Variants in DCP1A observed in about 807,000 individuals in gnomAD.
The protein encoded by DCP1A is decapping mRNA 1A.
DCP1A carries 20 observed loss-of-function variants against 58.0 expected under a neutral mutation model. The observed-to-expected ratio is 0.34, with a 90% CI of 0.24 to 0.50. The LOEUF is 0.50. DCP1A is among the 20% of genes least tolerant of loss of function. The pLI is 0.98. For synonymous variants in DCP1A, 285 were observed against 275.1 expected (o/e 1.04, Z -0.36); for missense variants, 613 against 712.2 (o/e 0.86, Z 1.59).
rs1575590123 is a variant in DCP1A, at chr3:53,288,246, G to A, written c.1487C>T (p.Ala496Val). The A allele has an allele frequency of 6.2e-7, 1 of 1,613,544 alleles. No homozygotes were observed. The highest frequency in any genetic ancestry group is 8.5e-7 in the Non-Finnish European group (1 of 1,179,704). Residue 496 changes from alanine to valine, a missense_variant, in exon 9 of 10, where the codon GCA (alanine) becomes GTA (valine). By Grantham distance (64) the Ala-to-Val change is moderately conservative. This residue lies in a region of DCP1A where 498 missense variants were observed against 556.7 expected (regional missense o/e 0.89). Transcript: ENST00000610213. Reference sequence around the variant, plus strand: ...TGGGGCCAGCAGGACTGAAGACACTGCAGTGGTCGTTGCAGTAACCAGTGG... The same window carrying A: ...TGGGGCCAGCAGGACTGAAGACACTACAGTGGTCGTTGCAGTAACCAGTGG... ...GAPLVTATTTAVSSVLLAPSV... is the reference protein window; with the variant it reads ...GAPLVTATTTVVSSVLLAPSV...
chr3:53,312,472 G>T, intron 4 of DCP1A, 93 bp from the exon 5 acceptor site: 13 of 988,260 alleles, frequency 1.3e-5, no homozygotes, highest in Non-Finnish European at 1.7e-5. Context: ...GATACACTAA[G>T]AGTGTCACAT....
intron 3 of DCP1A, among the ~76,000 whole-genome samples, chr3:53,341,124 T>C (rs2089195894): frequency 6.8e-6 from 1 of 146,242 alleles, no homozygotes; most frequent in Admixed American, 6.9e-5. Context: ...ATAAATATCT[T>C]AAAAAAAAAA....
In DCP1A at chr3:53,290,797, G is replaced by A; in HGVS notation, c.1443C>T (p.Ala481=). ...AAAAAAAGCGAGTCCTTACCGGGAT[G>A]GCACTGGATAACACCTTAGGCTGCA... The part of the protein sequence containing the change: ...VFVQPKVLSS[A]IPVAGAPLVT... Residue 481 remains alanine (A), a synonymous_variant, in exon 8 of 10, where the codon GCC becomes GCT. Transcript: ENST00000610213. 6.5e-7 allele frequency: 1 copy of A among 1,540,472 alleles called. No homozygotes were observed. Among genetic ancestry groups the A allele is most frequent in the Non-Finnish European group, 8.9e-7 (1 of 1,122,510 alleles).
intron 4 of DCP1A, among the ~76,000 whole-genome samples, chr3:53,317,686 A>C (rs1320384346): frequency 6.6e-6 from 1 of 152,180 alleles, no homozygotes; most frequent in East Asian, 1.9e-4. Context: ...TCCTATCTCA[A>C]AAGAAAAAAA....
chr3:53,292,896 C>T (rs1575594088), intron 6 of DCP1A, 69 bp from the exon 7 acceptor site: 1 of 1,487,202 alleles, frequency 6.7e-7, no homozygotes, highest in East Asian at 2.3e-5. Flanking sequence ...ACTTCTTTTC[C>T]AGAAGCCAAA....
At chr3:53,301,949 C>T (rs1308338651) in intron 6 of DCP1A, among the ~76,000 whole-genome samples, 1 of 151,958 alleles carries the variant, frequency 6.6e-6, no homozygotes, top group African/African-American at 2.4e-5. Flanking sequence ...TAAACGATGG[C>T]GGGATCGGGG....
intron 6 of DCP1A, among the ~76,000 whole-genome samples, chr3:53,293,963 A>G (rs1431400615): frequency 6.6e-6 from 1 of 152,302 alleles, no homozygotes; most frequent in East Asian, 1.9e-4. Flanking sequence ...AGAGTTGCAG[A>G]GCTCAGTGGG....
At chr3:53,335,827 TTTA>T (rs1333842298) in intron 3 of DCP1A, among the ~76,000 whole-genome samples, 3 of 152,190 alleles carry the variant, frequency 2.0e-5, no homozygotes, top group Admixed American at 6.5e-5. Flanking sequence ...TTAATTCTTT[TTTA>T]TTCTTTTATT....
At position 53,321,086 on chromosome 3, in the gene DCP1A, G is replaced by A. The variant is rs79190339; in HGVS notation, c.305-1613C>T. 5.8e-3 allele frequency among the ~76,000 whole-genome samples: 884 copies of A among 152,310 alleles called. 4 individuals are homozygous for A. The highest frequency in any genetic ancestry group is 0.019 in the African/African-American group (796 of 41,578). On this transcript the variant is annotated intron_variant, in intron 3 of 9. Coordinates refer to ENST00000610213, the MANE Select transcript of DCP1A (RefSeq NM_018403.7). The stretch of plus-strand genomic sequence containing the variant: ...GTCTAGGAGAGGAATGAGCCTACCC[G>A]GGCCACCTTCTGTTGCTAGGTTGAA...
At chr3:53,328,079 C>G in intron 3 of DCP1A, among the ~76,000 whole-genome samples, 1 of 151,894 alleles carries the variant, frequency 6.6e-6, no homozygotes, top group Non-Finnish European at 1.5e-5. Flanking sequence ...GAGATTGCGC[C>G]ACTGTACTCC....
rs2106780228 is a variant in DCP1A, at chr3:53,286,536, C to T, written c.*1044G>A. ...ACACTTTGGGCCGGGAAAGTACTCA[C>T]AGCCTAGGAATACATTGGTAGAGTT... On this transcript the variant is annotated 3_prime_UTR_variant, in exon 10 of 10. Transcript: ENST00000610213. 6.6e-6 allele frequency: 1 copy of T among 152,348 alleles called. No homozygotes were observed. Among genetic ancestry groups the T allele is most frequent in the Admixed American group, 6.5e-5 (1 of 15,306 alleles). 9.4% of individuals were successfully genotyped at this position (152,348 alleles called of 1,614,324 possible). A position where few individuals can be genotyped will look rare whatever the true frequency, so the allele number is the denominator to read the frequency against.
chr3:53,340,767 C>A (rs1166026431), intron 3 of DCP1A, among the ~76,000 whole-genome samples: 1 of 152,156 alleles, frequency 6.6e-6, no homozygotes, highest in Non-Finnish European at 1.5e-5. Context: ...TACTAATACA[C>A]TGGAATCAAG....
chr3:53,306,348 G>C (rs1165448659), intron 5 of DCP1A, among the ~76,000 whole-genome samples: 1 of 152,078 alleles, frequency 6.6e-6, no homozygotes, highest in Non-Finnish European at 1.5e-5. Context: ...TGGAATGCTT[G>C]GAACTGAATT....
At chr3:53,332,857 C>CAA (rs782238241) in intron 3 of DCP1A, among the ~76,000 whole-genome samples, 91 of 133,028 alleles carry the variant, frequency 6.8e-4, no homozygotes, top group African/African-American at 2.4e-3. Context: ...GACTCCGTTT[C>CAA]AAAAAAAAAA....
chr3:53,322,627 C>A (rs1263251220), intron 3 of DCP1A, among the ~76,000 whole-genome samples: 3 of 151,710 alleles, frequency 2.0e-5, no homozygotes, highest in African/African-American at 7.3e-5. Flanking sequence ...TTTTCCTACC[C>A]TGTTTACAAA....
chr3:53,340,447 ACG>A, intron 3 of DCP1A, among the ~76,000 whole-genome samples: 1 of 152,324 alleles, frequency 6.6e-6, no homozygotes, highest in South Asian at 2.1e-4. Context: ...AAAGTGTGCT[ACG>A]GAAAAGAACT....
At chr3:53,298,984 C>T (rs1352552882) in intron 6 of DCP1A, among the ~76,000 whole-genome samples, 3 of 152,184 alleles carry the variant, frequency 2.0e-5, no homozygotes, top group Admixed American at 6.5e-5. Context: ...GCTATCCCAT[C>T]GAGCCTAGGT....
chr3:53,318,520 T>C (rs1048690163), intron 4 of DCP1A, among the ~76,000 whole-genome samples: 1 of 151,964 alleles, frequency 6.6e-6, no homozygotes, highest in African/African-American at 2.4e-5. Flanking sequence ...CACCAGAATA[T>C]ACCGTCTACC....
chr3:53,341,900 C>T (rs2106898423), intron 3 of DCP1A, among the ~76,000 whole-genome samples: 1 of 152,212 alleles, frequency 6.6e-6, no homozygotes, highest in Middle Eastern at 3.4e-3. Context: ...TGGTCTCGAA[C>T]TCCTGACCTC....
Sources: gnomAD v4.1 joint callset for allele counts (sites outside exome capture counted in the v4.1 genomes callset) on GRCh38, gnomAD v4.1.1 for gene constraint, gnomAD v4.1.1 regional missense constraint, MANE v1.5 for transcripts, NCBI Gene and HGNC (gene_info 2026-07-23, HGNC 2026-07-21) for gene names.